Variants in NPAS3 observed in about 807,000 individuals in gnomAD.
NPAS3 encodes neuronal PAS domain-containing protein 3.
NPAS3 carries 14 observed loss-of-function variants against 73.1 expected under a neutral mutation model. That is an observed-to-expected ratio of 0.19 (90% confidence interval 0.13 to 0.30). The LOEUF (loss-of-function observed/expected upper bound fraction) is 0.30. Among genes scored for constraint, NPAS3 ranks in the 10% least tolerant of loss-of-function variants. The pLI is 1.00. For missense variants in NPAS3, 1,096 were observed against 1,250.0 expected, an observed-to-expected ratio of 0.88 and a Z score of 1.86; for synonymous variants, 620 against 541.5, an observed-to-expected ratio of 1.14 and a Z score of -2.01.
chr14:33,107,413 C>T (rs775637263), intron 2 of NPAS3, among the ~76,000 whole-genome samples: 48 of 151,498 alleles, frequency 3.2e-4, no homozygotes, highest in Non-Finnish European at 5.8e-4. Context: ...CTTCCTGTCT[C>T]CCCTGTCTAG....
chr14:33,298,273 C>G (rs1004817798), intron 3 of NPAS3, among the ~76,000 whole-genome samples: 1 of 152,220 alleles, frequency 6.6e-6, no homozygotes, highest in South Asian at 2.1e-4. Flanking sequence ...ACAGAGGGAG[C>G]CTCCATCTCA....
At chr14:33,612,336 CTTCT>C in intron 5 of NPAS3, 1 of 451,768 alleles carries the variant, frequency 2.2e-6, no homozygotes, top group South Asian at 1.6e-5. Context: ...AGCTGAGCCC[CTTCT>C]TTATCATCGC....
intron 2 of NPAS3, among the ~76,000 whole-genome samples, chr14:33,153,785 T>C (rs1165585023): frequency 6.6e-6 from 1 of 152,148 alleles, no homozygotes; most frequent in Non-Finnish European, 1.5e-5. Flanking sequence ...TCCTAAACCA[T>C]TTGTGTCTTC....
intron 3 of NPAS3, among the ~76,000 whole-genome samples, chr14:33,267,773 G>A (rs2040880718): frequency 1.3e-5 from 2 of 152,148 alleles, no homozygotes; most frequent in Admixed American, 6.5e-5. Context: ...GTGGGGATCT[G>A]CATGTGTAAT....
At chr14:33,590,632 A>G (rs1280252325) in intron 5 of NPAS3, among the ~76,000 whole-genome samples, 2 of 152,196 alleles carry the variant, frequency 1.3e-5, no homozygotes, top group East Asian at 3.8e-4. Context: ...AAGTTTATGT[A>G]CATGTAATCC....
intron 1 of NPAS3, among the ~76,000 whole-genome samples, chr14:32,944,793 C>T (rs1380235080): frequency 6.6e-6 from 1 of 152,178 alleles, no homozygotes; most frequent in East Asian, 1.9e-4. Flanking sequence ...CAACATTAAA[C>T]AATAGTTGAA....
chr14:33,162,884 T>A (rs565221412), intron 2 of NPAS3, among the ~76,000 whole-genome samples: 2 of 152,346 alleles, frequency 1.3e-5, no homozygotes, highest in Non-Finnish European at 2.9e-5. Flanking sequence ...GCAAGTGGAA[T>A]TGAGCATCGG....
intron 4 of NPAS3, among the ~76,000 whole-genome samples, chr14:33,474,419 A>T (rs1267872448): frequency 6.6e-6 from 1 of 152,222 alleles, no homozygotes; most frequent in African/African-American, 2.4e-5. Flanking sequence ...CAAACATACA[A>T]AACATATGTG....
intron 9 of NPAS3, among the ~76,000 whole-genome samples, chr14:33,785,379 G>A (rs1357301516): frequency 2.8e-5 from 4 of 144,750 alleles, no homozygotes; most frequent in Non-Finnish European, 6.0e-5. Context: ...AGCTTGCAGT[G>A]AGCCAAGATC....
At chr14:33,499,544 T>C (rs1015751525) in intron 4 of NPAS3, among the ~76,000 whole-genome samples, 9 of 152,026 alleles carry the variant, frequency 5.9e-5, no homozygotes, top group Middle Eastern at 3.4e-3. Flanking sequence ...TGAGATCACT[T>C]GTAAGCTCCA....
At chr14:33,055,266 C>A (rs924333084) in intron 1 of NPAS3, among the ~76,000 whole-genome samples, 2 of 152,048 alleles carry the variant, frequency 1.3e-5, no homozygotes, top group Non-Finnish European at 2.9e-5. Context: ...AAGCTTTTTC[C>A]CCTTTTTGCC....
chr14:33,503,582 A>G (rs2139937327), intron 4 of NPAS3, among the ~76,000 whole-genome samples: 1 of 152,002 alleles, frequency 6.6e-6, no homozygotes, highest in African/African-American at 2.4e-5. Context: ...CTTCTTTCAA[A>G]AAAAAAATGG....
intron 5 of NPAS3, among the ~76,000 whole-genome samples, chr14:33,622,506 TAAAAAG>T (rs1168010258): frequency 1.3e-5 from 2 of 152,084 alleles, no homozygotes. Context: ...ATGAGAAAAT[TAAAAAG>T]AAATAGTAAA....
At chr14:33,209,427 T>C in intron 2 of NPAS3, among the ~76,000 whole-genome samples, 1 of 152,190 alleles carries the variant, frequency 6.6e-6, no homozygotes, top group East Asian at 1.9e-4. Context: ...ACTGTACTTT[T>C]TCCCTGGGAA....
intron 8 of NPAS3, among the ~76,000 whole-genome samples, chr14:33,776,521 TA>T (rs552348267): frequency 7.5e-4 from 24 of 32,060 alleles, no homozygotes; most frequent in Admixed American, 1.1e-3. Flanking sequence ...TTCTTCCTCT[TA>T]AAAAAAAAAA....
intron 4 of NPAS3, among the ~76,000 whole-genome samples, chr14:33,558,617 T>C (rs2139741777): frequency 6.6e-6 from 1 of 151,812 alleles, no homozygotes; most frequent in African/African-American, 2.4e-5. Flanking sequence ...TGCATCTGTA[T>C]GCATACATAT....
chr14:33,054,045 A>T (rs2040800299), intron 1 of NPAS3, among the ~76,000 whole-genome samples: 1 of 152,222 alleles, frequency 6.6e-6, no homozygotes, highest in Admixed American at 6.5e-5. Flanking sequence ...AATCTGTAAC[A>T]TATCATCTGC....
Position 33,072,722 on chromosome 14 carries a change from A to G in NPAS3, c.140+16728A>G, listed in dbSNP as rs533248729. 1.1e-4 allele frequency among the ~76,000 whole-genome samples: 17 copies of G among 152,314 alleles called. No individual in the cohort carries two copies. In the East Asian group the frequency reaches 3.3e-3, roughly 29 times the overall value. ...TGCTGTGGGTCAGGGTGGAACTGGC[A>G]GGGCTGCGTGGGAACCTGCCCACAT... On this transcript the variant is annotated intron_variant, in intron 2 of 11. Coordinates refer to ENST00000356141, the Ensembl canonical transcript of NPAS3.
At chr14:33,359,369 C>T (rs529368791) in intron 3 of NPAS3, among the ~76,000 whole-genome samples, 4 of 152,276 alleles carry the variant, frequency 2.6e-5, no homozygotes, top group African/African-American at 7.2e-5. Flanking sequence ...TGTCATAACA[C>T]GAAGCTTTGG....
Sources: gnomAD v4.1 joint callset for allele counts (sites outside exome capture counted in the v4.1 genomes callset) on GRCh38, gnomAD v4.1.1 for gene constraint, MANE v1.5 for transcripts, NCBI Gene and HGNC (gene_info 2026-07-23, HGNC 2026-07-21) for gene names.